The following ZNF471 variants were observed in gnomAD, a reference collection of about 807,000 sequenced individuals.
ZNF471 encodes the protein EZFIT-related protein 1.
ZNF471 carries 7 observed loss-of-function variants against 13.7 expected under a neutral mutation model. The ratio of observed to expected loss-of-function variants is 0.51; its 90% confidence interval spans 0.29 to 0.96. The LOEUF (loss-of-function observed/expected upper bound fraction) is 0.96, where lower values mean the gene tolerates loss of function less well. Among genes scored for constraint, ZNF471 ranks in the 40% least tolerant of loss-of-function variants. ZNF471 has a pLI of 0.08. For synonymous variants in ZNF471, 218 were observed against 235.6 expected (o/e 0.93, Z 0.68); for missense variants, 663 against 743.3 (o/e 0.89, Z 1.26).
chr19:56,510,464 C>CA lies in ZNF471; in HGVS notation c.-55-1052dup. On this transcript the variant is annotated intron_variant, in intron 1 of 4. Coordinates refer to ENST00000308031, the MANE Select transcript of ZNF471 (RefSeq NM_020813.4). This position sits in a 1 kb window ranked among gnomAD's most constrained non-coding sequence, Gnocchi z 4.3. Reference sequence around the variant, plus strand: ...GTGAAGCATGCATGTGTGAGTGAGACAGAGATAAGGGACAGTGAGCTGTGT... The same window carrying CA: ...GTGAAGCATGCATGTGTGAGTGAGACAAGAGATAAGGGACAGTGAGCTGTGT... The CA allele has an allele frequency of 2.0e-6, 2 of 985,012 alleles. No homozygotes were observed. The highest frequency in any genetic ancestry group is 2.4e-6 in the Non-Finnish European group (2 of 829,914). 61.0% of individuals were successfully genotyped at this position (985,012 alleles called of 1,614,324 possible).
Position 56,510,092 on chromosome 19 carries a change from C to G in ZNF471, c.-55-1425C>G. ...GTATGTGAGAGACTAGAGTATGTCTCTGTCTGGACTGGTAGGTTGTGAGAG... is the reference window on the plus strand; with the variant it reads ...GTATGTGAGAGACTAGAGTATGTCTGTGTCTGGACTGGTAGGTTGTGAGAG... On this transcript the variant is annotated intron_variant, in intron 1 of 4. Transcript: ENST00000308031. The surrounding 1 kb of genome is among the most constrained non-coding windows in gnomAD (Gnocchi z 4.3). 4.1e-6 allele frequency: 4 copies of G among 985,370 alleles called. No homozygotes were observed. Among genetic ancestry groups the G allele is most frequent in the Non-Finnish European group, 4.8e-6 (4 of 829,930 alleles). The allele number at this position is 985,370 out of a possible 1,614,324, so 61.0% of individuals were successfully genotyped here.
At chr19:56,517,527 G>T (rs2043909934) in intron 3 of ZNF471, among the ~76,000 whole-genome samples, 1 of 151,964 alleles carries the variant, frequency 6.6e-6, no homozygotes, top group African/African-American at 2.4e-5. Context: ...GGATGGTCTT[G>T]ATCTCCTGAC....
chr19:56,517,371 C>T lies in ZNF471; in HGVS notation c.160+970C>T, dbSNP rs868655975. 2.8e-4 allele frequency among the ~76,000 whole-genome samples: 42 copies of T among 149,420 alleles called. No individual in the cohort carries two copies. The South Asian group carries it at 5.1e-3, about 18-fold the overall frequency. On this transcript the variant is annotated intron_variant, in intron 3 of 4. Transcript: ENST00000308031. The stretch of plus-strand genomic sequence containing the variant: ...AGGCTGGAGTGCAGTGGCACCATCT[C>T]GGCTCACTGCAAGCTCCGCCTCCTG...
intron 1 of ZNF471, among the ~76,000 whole-genome samples, chr19:56,509,236 G>A (rs2043776815): frequency 6.6e-6 from 1 of 152,138 alleles, no homozygotes. Flanking sequence ...TCAGTGGTCA[G>A]TGATTTAACC....
chr19:56,521,570 C>T (rs192962430), intron 4 of ZNF471, among the ~76,000 whole-genome samples: 51 of 137,818 alleles, frequency 3.7e-4, no homozygotes, highest in Middle Eastern at 5.2e-3. Flanking sequence ...ACCCGGGAGG[C>T]AGAACTTGCA....
At position 56,508,072 on chromosome 19, in the gene ZNF471, C is replaced by G; in HGVS notation, c.-56+152C>G. 1 of 985,348 alleles carries G rather than the reference C, an allele frequency of 1.0e-6. No individual in the cohort carries two copies. Among genetic ancestry groups the G allele is most frequent in the Non-Finnish European group, 1.2e-6 (1 of 829,838 alleles). 61.0% of individuals were successfully genotyped at this position (985,348 alleles called of 1,614,324 possible). On this transcript the variant is annotated intron_variant, in intron 1 of 4. Transcript: ENST00000308031. This position sits in a 1 kb window ranked among gnomAD's most constrained non-coding sequence, Gnocchi z 4.7. ...CCCAGAGGCCAGCGGGGCGCGCGTA[C>G]TCGAGTCTGCGGGGCGGAGGCCGCG...
At chr19:56,509,129 C>G (rs992696966) in intron 1 of ZNF471, among the ~76,000 whole-genome samples, 3 of 152,046 alleles carry the variant, frequency 2.0e-5, no homozygotes, top group Admixed American at 6.6e-5. Context: ...AAGGGATGGT[C>G]ACAAGAACAA....
Position 56,528,751 on chromosome 19 carries a change from G to A in ZNF471, c.*2803G>A, listed in dbSNP as rs745760774. 1.3e-5 allele frequency: 2 copies of A among 151,962 alleles called. No homozygotes were observed. The highest frequency in any genetic ancestry group is 3.2e-3 in the Middle Eastern group (1 of 316). 9.4% of individuals were successfully genotyped at this position (151,962 alleles called of 1,614,324 possible). A position where few individuals can be genotyped will look rare whatever the true frequency, so the allele number is the denominator to read the frequency against. On this transcript the variant is annotated 3_prime_UTR_variant, in exon 5 of 5. Coordinates refer to ENST00000308031, the MANE Select transcript of ZNF471 (RefSeq NM_020813.4). ...CGAACAAAAGAATTAGAATTCCTGC[G>A]GGGAATATATACAAGACTTTATTTA...
Position 56,524,303 on chromosome 19 carries a change from C to A in ZNF471, c.257-21C>A. 1 of 1,477,694 alleles carries A rather than the reference C, an allele frequency of 6.8e-7. No individual in the cohort carries two copies. Among genetic ancestry groups the A allele is most frequent in the South Asian group, 1.4e-5 (1 of 69,450 alleles). The allele number at this position is 1,477,694 out of a possible 1,614,324, so 91.5% of individuals were successfully genotyped here. A position where few individuals can be genotyped will look rare whatever the true frequency, so the allele number is the denominator to read the frequency against. On this transcript the variant is annotated intron_variant, in intron 4 of 4. Transcript: ENST00000308031. This position sits in a 1 kb window ranked among gnomAD's most constrained non-coding sequence, Gnocchi z 4.8. ...TAGCCCATGATAAAGGGAACATTCA[C>A]TTTTTTTTAATATCTTTCAGATTGG...
chr19:56,509,803 A>G, intron 1 of ZNF471: 1 of 974,600 alleles, frequency 1.0e-6, no homozygotes, highest in Non-Finnish European at 1.2e-6. Context: ...GTGTGAGTGG[A>G]GTAGGAGAAA....
At chr19:56,515,957 G>C (rs539507882) in intron 2 of ZNF471, among the ~76,000 whole-genome samples, 4 of 152,310 alleles carry the variant, frequency 2.6e-5, no homozygotes, top group African/African-American at 9.6e-5. Flanking sequence ...ATCCCATGGA[G>C]TATCATTTGA....
intron 4 of ZNF471, among the ~76,000 whole-genome samples, chr19:56,523,768 T>C (rs1437025510): frequency 1.3e-5 from 2 of 152,216 alleles, no homozygotes; most frequent in African/African-American, 4.8e-5. Flanking sequence ...AATATTACCA[T>C]TGCAGACTAC....
chr19:56,521,482 C>CA (rs556444600), intron 4 of ZNF471, among the ~76,000 whole-genome samples: 81 of 151,706 alleles, frequency 5.3e-4, no homozygotes, highest in Non-Finnish European at 4.0e-4. Context: ...GTTAAAAATA[C>CA]AAAAAAATTA....
In ZNF471 at chr19:56,508,252, TGACAGACC is replaced by T; in HGVS notation, c.-56+335_-56+342del. The T allele has an allele frequency of 1.3e-6, 1 of 782,404 alleles. No individual in the cohort carries two copies. The highest frequency in any genetic ancestry group is 1.9e-5 in the African/African-American group (1 of 51,478). The allele number at this position is 782,404 out of a possible 1,614,324, so 48.5% of individuals were successfully genotyped here. Reference sequence around the variant, plus strand: ...TTCTGTGTGTGTGTGTGTGTGTGTGTGACAGACCGAGAGTCCAGTGTGAGACCAGGGTA... The same window carrying T: ...TTCTGTGTGTGTGTGTGTGTGTGTGTGAGAGTCCAGTGTGAGACCAGGGTA... On this transcript the variant is annotated intron_variant, in intron 1 of 4. Transcript: ENST00000308031. This position sits in a 1 kb window ranked among gnomAD's most constrained non-coding sequence, Gnocchi z 4.7.
Position 56,526,009 on chromosome 19 carries a change from T to G in ZNF471, c.*61T>G. The G allele has an allele frequency of 6.9e-7, 1 of 1,446,950 alleles. No homozygotes were observed. The highest frequency in any genetic ancestry group is 9.3e-7 in the Non-Finnish European group (1 of 1,079,338). 89.6% of individuals were successfully genotyped at this position (1,446,950 alleles called of 1,614,324 possible). On this transcript the variant is annotated 3_prime_UTR_variant, in exon 5 of 5. Transcript: ENST00000308031. ...CCAATCCCCTACTGTTAATCAGAGA[T>G]GTCCCACTGGATAAAAAACATATAA...
chr19:56,508,670 AAGGG>A lies in ZNF471; in HGVS notation c.-56+753_-56+756del, dbSNP rs2043768601. ...GAGACTGTGGTATGTTAATGTGTGAAAGGGAGACCAGTGAGTGTGAGAAATGGGT... is the reference window on the plus strand; with the variant it reads ...GAGACTGTGGTATGTTAATGTGTGAAAGACCAGTGAGTGTGAGAAATGGGT... On this transcript the variant is annotated intron_variant, in intron 1 of 4. Transcript: ENST00000308031. This position sits in a 1 kb window ranked among gnomAD's most constrained non-coding sequence, Gnocchi z 4.7. Among the ~76,000 whole-genome samples the A allele has an allele frequency of 6.6e-6, 1 of 150,762 alleles. No homozygotes were observed. Among genetic ancestry groups the A allele is most frequent in the African/African-American group, 2.4e-5 (1 of 40,886 alleles).
chr19:56,529,217 C>T lies in ZNF471; in HGVS notation c.*3269C>T, dbSNP rs899604426. The T allele has an allele frequency of 1.3e-5, 2 of 152,140 alleles. No individual in the cohort carries two copies. Among genetic ancestry groups the T allele is most frequent in the Non-Finnish European group, 2.9e-5 (2 of 68,032 alleles). 9.4% of individuals were successfully genotyped at this position (152,140 alleles called of 1,614,324 possible). A position where few individuals can be genotyped will look rare whatever the true frequency, so the allele number is the denominator to read the frequency against. ...TCAGAAGGGAGGTTTTGTAGAAGGT[C>T]GTATCCATGGGTTTTTTATATTTGA... On this transcript the variant is annotated 3_prime_UTR_variant, in exon 5 of 5. Transcript: ENST00000308031.
rs775511997 is a variant in ZNF471 at position 56,525,696 on chromosome 19, T to C, written c.1629T>C (p.Tyr543=). 4 of 1,614,064 alleles carry C rather than the reference T, an allele frequency of 2.5e-6. No homozygotes were observed. Among genetic ancestry groups the C allele is most frequent in the South Asian group, 1.1e-5 (1 of 91,048 alleles). Residue 543 remains tyrosine (Y), a synonymous_variant, in exon 5 of 5, where the codon TAT becomes TAC. Coordinates refer to ENST00000308031, the MANE Select transcript of ZNF471 (RefSeq NM_020813.4). ...HQKTHTGEKP[Y]ECNECGKAFS... ...AAACTCATACAGGAGAGAAACCTTA[T>C]GAGTGTAATGAATGCGGGAAAGCCT... is the stretch of plus-strand genomic sequence containing the variant.
rs2044020934 is a variant in ZNF471, at chr19:56,524,740, T to A, written c.673T>A (p.Phe225Ile). 1.2e-6 allele frequency: 2 copies of A among 1,605,142 alleles called. No individual in the cohort carries two copies. The highest frequency in any genetic ancestry group is 1.7e-6 in the Non-Finnish European group (2 of 1,177,234). Residue 225 changes from phenylalanine to isoleucine, a missense_variant, in exon 5 of 5, where the codon TTT becomes ATT. By Grantham distance (21) the Phe-to-Ile change is conservative (BLOSUM62 0). Coordinates refer to ENST00000308031, the MANE Select transcript of ZNF471 (RefSeq NM_020813.4). This position sits in a 1 kb window ranked among gnomAD's most constrained non-coding sequence, Gnocchi z 4.8. ...CCATAGCTCATCCCTTACTGTTCAT[T>A]TTAGAATTCATACTGGTGAAAAACC... ...FTHSSSLTVH[F>I]RIHTGEKPYA...
Sources: gnomAD v4.1 joint callset for allele counts (sites outside exome capture counted in the v4.1 genomes callset) on GRCh38, gnomAD v4.1.1 for gene constraint, Gnocchi (gnomAD v3.1) non-coding constraint, MANE v1.5 for transcripts, NCBI Gene and HGNC (gene_info 2026-07-23, HGNC 2026-07-21) for gene names.